The following GRIK1 variants were observed in gnomAD, a reference collection of about 807,000 sequenced individuals.
The protein encoded by GRIK1 is glutamate receptor ionotropic, kainate 1.
Under a neutral mutation model 105.7 loss-of-function variants are expected in GRIK1, and 69 were observed. The observed-to-expected ratio is 0.65, with a 90% confidence interval of 0.54 to 0.80. The LOEUF (loss-of-function observed/expected upper bound fraction) is 0.80. Among genes scored for constraint, GRIK1 ranks in the 30% least tolerant of loss-of-function variants. The pLI, the probability that GRIK1 is intolerant of heterozygous loss-of-function variation, is 0.00. For missense variants in GRIK1, 1,109 were observed against 1,167.3 expected (o/e 0.95, Z 0.73); for synonymous variants, 438 against 431.3 (o/e 1.02, Z -0.19).
chr21:29,874,627 C>G (rs908454394), intron 1 of GRIK1, among the ~76,000 whole-genome samples: 4 of 152,160 alleles, frequency 2.6e-5, no homozygotes, highest in Admixed American at 6.5e-5. Flanking sequence ...GTTGGGACCC[C>G]TGTTTTAGGA....
chr21:29,616,804 C>T (rs1279160169), intron 7 of GRIK1, among the ~76,000 whole-genome samples: 1 of 152,188 alleles, frequency 6.6e-6, no homozygotes, highest in Non-Finnish European at 1.5e-5. Flanking sequence ...TGATGCCATA[C>T]TTCAAAGATG....
chr21:29,569,252 T>C (rs1301203624), intron 14 of GRIK1, among the ~76,000 whole-genome samples: 1 of 152,218 alleles, frequency 6.6e-6, no homozygotes, highest in African/African-American at 2.4e-5. Context: ...TGAATAATTA[T>C]GGTGATGATG....
chr21:29,839,960 G>T (rs2067930185), intron 1 of GRIK1, among the ~76,000 whole-genome samples: 1 of 152,092 alleles, frequency 6.6e-6, no homozygotes, highest in South Asian at 2.1e-4. Context: ...ACGGCAAATT[G>T]GTGGAAACTC....
chr21:29,596,441 GGTAA>G (rs2061414184), intron 9 of GRIK1, 81 bp downstream of exon 9: 2 of 879,188 alleles, frequency 2.3e-6, no homozygotes, highest in East Asian at 4.8e-5. Context: ...CTACAGGTCT[GGTAA>G]CATTGGAAGG....
intron 1 of GRIK1, among the ~76,000 whole-genome samples, chr21:29,893,016 G>A (rs7282442): frequency 0.015 from 2,353 of 152,202 alleles, 62 homozygotes; most frequent in African/African-American, 0.047. Context: ...CTCAACTGAA[G>A]ATACAATTAG....
At chr21:29,936,898 T>A (rs1044929865) in intron 1 of GRIK1, among the ~76,000 whole-genome samples, 1 of 152,106 alleles carries the variant, frequency 6.6e-6, no homozygotes, top group African/African-American at 2.4e-5. Flanking sequence ...TGCCTAGCGA[T>A]TTTGCTATAC....
chr21:29,789,733 A>G (rs1214197062), intron 1 of GRIK1, among the ~76,000 whole-genome samples: 28 of 152,170 alleles, frequency 1.8e-4, no homozygotes, highest in Admixed American at 1.8e-3. Context: ...CAGGTTTTGA[A>G]TGTAGGAGAG....
At chr21:29,788,598 C>G (rs1337042543) in intron 1 of GRIK1, among the ~76,000 whole-genome samples, 1 of 152,184 alleles carries the variant, frequency 6.6e-6, no homozygotes, top group East Asian at 1.9e-4. Context: ...CAGGATGATT[C>G]AAGTGCATTA....
intron 1 of GRIK1, among the ~76,000 whole-genome samples, chr21:29,816,089 C>A (rs2067147955): frequency 6.6e-6 from 1 of 151,906 alleles, no homozygotes; most frequent in Non-Finnish European, 1.5e-5. Context: ...GAAGATGACT[C>A]AACACCAAAA....
chr21:29,879,798 C>T (rs557737918), intron 1 of GRIK1, among the ~76,000 whole-genome samples: 2 of 152,158 alleles, frequency 1.3e-5, no homozygotes, highest in African/African-American at 4.8e-5. Context: ...CTGTCTTCTG[C>T]TTATTTCCCT....
intron 1 of GRIK1, among the ~76,000 whole-genome samples, chr21:29,826,647 A>ATGTG (rs377606068): frequency 1.3e-5 from 2 of 151,242 alleles, no homozygotes; most frequent in African/African-American, 4.9e-5. Context: ...TTTACATAGC[A>ATGTG]TGTGTGTGTG....
At chr21:29,745,824 C>A (rs1216513883) in intron 1 of GRIK1, among the ~76,000 whole-genome samples, 1 of 152,148 alleles carries the variant, frequency 6.6e-6, no homozygotes, top group African/African-American at 2.4e-5. Flanking sequence ...AAAAGAGAGT[C>A]CGGGCATGGT....
intron 10 of GRIK1, among the ~76,000 whole-genome samples, chr21:29,590,124 T>C (rs1205160658): frequency 6.6e-6 from 1 of 152,236 alleles, no homozygotes; most frequent in Non-Finnish European, 1.5e-5. Flanking sequence ...GTTGCTATAC[T>C]ACAGACATAT....
intron 3 of GRIK1, among the ~76,000 whole-genome samples, chr21:29,682,014 C>G (rs2063389518): frequency 6.6e-6 from 1 of 152,206 alleles, no homozygotes; most frequent in South Asian, 2.1e-4. Context: ...ATCCTTATAT[C>G]AGGACCTGCC....
intron 1 of GRIK1, among the ~76,000 whole-genome samples, chr21:29,846,452 G>GAGA (rs1472713302): frequency 4.5e-4 from 51 of 114,424 alleles, no homozygotes; most frequent in African/African-American, 1.6e-3. Context: ...AAGGAAAGAA[G>GAGA]GAAAGAGAGA....
intron 1 of GRIK1, among the ~76,000 whole-genome samples, chr21:29,817,600 G>T (rs1277188033): frequency 6.6e-6 from 1 of 151,788 alleles, no homozygotes; most frequent in Admixed American, 6.6e-5. Context: ...CCCCTTTCTC[G>T]AGCTGCTGTC....
intron 1 of GRIK1, among the ~76,000 whole-genome samples, chr21:29,881,020 G>C (rs1044719532): frequency 2.0e-5 from 3 of 152,154 alleles, no homozygotes; most frequent in Non-Finnish European, 2.9e-5. Flanking sequence ...GAAGCACCCA[G>C]GAGCACAACA....
intron 1 of GRIK1, among the ~76,000 whole-genome samples, chr21:29,770,202 A>G (rs1051440808): frequency 3.9e-4 from 59 of 152,200 alleles, no homozygotes; most frequent in Non-Finnish European, 7.3e-5. Flanking sequence ...TGGTCCAAGT[A>G]TATATGAATA....
intron 1 of GRIK1, among the ~76,000 whole-genome samples, chr21:29,812,989 A>G: frequency 6.6e-6 from 1 of 152,164 alleles, no homozygotes; most frequent in East Asian, 1.9e-4. Context: ...TGGGTACAGG[A>G]GACGTTGCAG....
Sources: gnomAD v4.1 joint callset for allele counts (sites outside exome capture counted in the v4.1 genomes callset) on GRCh38, gnomAD v4.1.1 for gene constraint, MANE v1.5 for transcripts, NCBI Gene and HGNC (gene_info 2026-07-23, HGNC 2026-07-21) for gene names.